Variants in INPP5A observed in about 807,000 individuals in gnomAD.
The protein encoded by INPP5A is inositol polyphosphate-5-phosphatase A.
Under a neutral mutation model 65.2 loss-of-function variants are expected in INPP5A, and 14 were observed. The observed-to-expected ratio is 0.21, with a 90% CI of 0.14 to 0.34. The LOEUF (loss-of-function observed/expected upper bound fraction) is 0.34, where lower values mean the gene tolerates loss of function less well. Among genes scored for constraint, INPP5A ranks in the 10% least tolerant of loss-of-function variants. INPP5A has a pLI of 1.00. For missense variants in INPP5A, 431 were observed against 545.6 expected (o/e 0.79, Z 2.09); for synonymous variants, 207 against 208.3 (o/e 0.99, Z 0.05).
chr10:132,736,538 C>T (rs549299388), intron 9 of INPP5A, among the ~76,000 whole-genome samples: 3 of 152,332 alleles, frequency 2.0e-5, no homozygotes, highest in African/African-American at 4.8e-5. Flanking sequence ...CCCCGAGAGC[C>T]GGGCTTCCCA....
rs1305513647 is a variant in INPP5A at position 132,777,742 on chromosome 10, G to A, written c.1049G>A (p.Arg350His). 1 of 1,613,082 alleles carries A rather than the reference G, an allele frequency of 6.2e-7. No individual in the cohort carries two copies. Among genetic ancestry groups the A allele is most frequent in the Non-Finnish European group, 8.5e-7 (1 of 1,179,994 alleles). The stretch of plus-strand genomic sequence containing the variant: ...ACCCGGTGCCCAGCCTGGTGTGACC[G>A]CATCCTCATGTCCCCGTCTGCCAAG... ...MNTRCPAWCD[R>H]ILMSPSAKEL... Residue 350 changes from arginine (R) to histidine (H), a missense_variant, in exon 13 of 16, where the codon CGC (arginine) becomes CAC (histidine). By Grantham distance (29) the Arg-to-His change is conservative. Transcript: ENST00000368594.
At chr10:132,640,895 G>A (rs546342859) in intron 2 of INPP5A, among the ~76,000 whole-genome samples, 8 of 152,274 alleles carry the variant, frequency 5.3e-5, no homozygotes, top group Admixed American at 1.3e-4. Flanking sequence ...TGTGCTCAGC[G>A]TGCTGTCTCC....
intron 1 of INPP5A, among the ~76,000 whole-genome samples, chr10:132,574,619 TTTAA>T (rs2071392617): frequency 7.1e-6 from 1 of 141,276 alleles, no homozygotes; most frequent in Admixed American, 7.4e-5. Flanking sequence ...TTCTTTTTTT[TTTAA>T]TTTTGTATTT....
intron 2 of INPP5A, among the ~76,000 whole-genome samples, chr10:132,641,805 T>C (rs1010229058): frequency 1.3e-5 from 2 of 152,262 alleles, no homozygotes; most frequent in African/African-American, 2.4e-5. Context: ...TCAAAGGAAG[T>C]GTGGCCTTTC....
At chr10:132,596,411 C>T (rs896336108) in intron 1 of INPP5A, among the ~76,000 whole-genome samples, 4 of 151,116 alleles carry the variant, frequency 2.6e-5, no homozygotes, top group Non-Finnish European at 5.9e-5. Flanking sequence ...AGTGTGTGTG[C>T]GTGTGTGTGC....
At chr10:132,699,392 C>T (rs894598191) in intron 6 of INPP5A, among the ~76,000 whole-genome samples, 5 of 151,616 alleles carry the variant, frequency 3.3e-5, no homozygotes, top group South Asian at 4.2e-4. Context: ...CAGGGCCAGG[C>T]GCTGCCACCT....
At chr10:132,759,143 C>G (rs916963139) in intron 11 of INPP5A, among the ~76,000 whole-genome samples, 1 of 152,204 alleles carries the variant, frequency 6.6e-6, no homozygotes, top group Non-Finnish European at 1.5e-5. Flanking sequence ...TCAGCGTGGC[C>G]CAGGCCTCAG....
chr10:132,687,089 C>T (rs2134475233), intron 4 of INPP5A, among the ~76,000 whole-genome samples: 1 of 152,352 alleles, frequency 6.6e-6, no homozygotes, highest in South Asian at 2.1e-4. Flanking sequence ...GGATTACAGG[C>T]TCATGCCACC....
chr10:132,659,977 A>G lies in INPP5A; in HGVS notation c.306+9472A>G, dbSNP rs2072714382. ...CATACTCCCTGTGACATGGCACATGACACGTGACACAACACATTCTCATGC... is the reference window on the plus strand; with the variant it reads ...CATACTCCCTGTGACATGGCACATGGCACGTGACACAACACATTCTCATGC... On this transcript the variant is annotated intron_variant, in intron 4 of 15. Transcript: ENST00000368594. The surrounding 1 kb of genome is among the most constrained non-coding windows in gnomAD (Gnocchi z 5.5). Among the ~76,000 whole-genome samples, 1 of 152,258 alleles carries G rather than the reference A, an allele frequency of 6.6e-6. No individual in the cohort carries two copies. Among genetic ancestry groups the G allele is most frequent in the Non-Finnish European group, 1.5e-5 (1 of 68,042 alleles).
chr10:132,761,943 C>G (rs540426497), intron 11 of INPP5A, among the ~76,000 whole-genome samples: 1 of 151,996 alleles, frequency 6.6e-6, no homozygotes, highest in Admixed American at 6.5e-5. Flanking sequence ...AAGTACCACA[C>G]TATGAAAAAA....
intron 1 of INPP5A, among the ~76,000 whole-genome samples, chr10:132,559,210 G>A (rs958844485): frequency 5.9e-5 from 9 of 152,194 alleles, no homozygotes; most frequent in African/African-American, 2.2e-4. Context: ...TCGGAGCTGT[G>A]GCAGCTCTCT....
chr10:132,664,268 T>C (rs1456500363), intron 4 of INPP5A, among the ~76,000 whole-genome samples: 2 of 152,190 alleles, frequency 1.3e-5, no homozygotes, highest in Non-Finnish European at 2.9e-5. Context: ...TCCCTGGAGA[T>C]GGGTTTTTAT....
At chr10:132,565,617 GTGTGTATGTGTGTATATGTATGTATA>G (rs1321908501) in intron 1 of INPP5A, among the ~76,000 whole-genome samples, 1 of 152,154 alleles carries the variant, frequency 6.6e-6, no homozygotes, top group Non-Finnish European at 1.5e-5. Flanking sequence ...GTGTGTGCAT[GTGTGTATGTGTGTATATGTATGTATA>G]TGTGTATGTG....
intron 1 of INPP5A, among the ~76,000 whole-genome samples, chr10:132,596,855 G>A (rs942064786): frequency 1.2e-5 from 1 of 86,284 alleles, no homozygotes; most frequent in Non-Finnish European, 2.9e-5. Flanking sequence ...ATGCGTGTGT[G>A]TGCATGTGTG....
intron 2 of INPP5A, among the ~76,000 whole-genome samples, chr10:132,617,338 G>A: frequency 6.6e-6 from 1 of 152,178 alleles, no homozygotes; most frequent in South Asian, 2.1e-4. Context: ...GGGCCCTTCT[G>A]CCTCCTGGTC....
At chr10:132,578,518 AGT>A (rs2071436730) in intron 1 of INPP5A, among the ~76,000 whole-genome samples, 1 of 137,628 alleles carries the variant, frequency 7.3e-6, no homozygotes, top group African/African-American at 2.8e-5. Flanking sequence ...CTGTCAGGAG[AGT>A]GTGCGGGGAG....
At position 132,663,966 on chromosome 10, in the gene INPP5A, C is replaced by G. The variant is rs1236425576; in HGVS notation, c.306+13461C>G. On this transcript the variant is annotated intron_variant, in intron 4 of 15. Coordinates refer to ENST00000368594, the MANE Select transcript of INPP5A (RefSeq NM_005539.5). The surrounding 1 kb of genome is among the most constrained non-coding windows in gnomAD (Gnocchi z 4.5). ...AGGCGTGATCGAGTGCCGTGTCACA[C>G]GCAGCCCAGGAAACAAACACGCCGC... 2.0e-5 allele frequency among the ~76,000 whole-genome samples: 3 copies of G among 152,234 alleles called. No individual in the cohort carries two copies. Among genetic ancestry groups the G allele is most frequent in the African/African-American group, 7.2e-5 (3 of 41,462 alleles).
intron 1 of INPP5A, among the ~76,000 whole-genome samples, chr10:132,571,666 G>A (rs995756503): frequency 2.0e-5 from 3 of 152,234 alleles, no homozygotes; most frequent in Non-Finnish European, 4.4e-5. Flanking sequence ...GACCCGGAGT[G>A]TCTGCAGGCA....
intron 1 of INPP5A, among the ~76,000 whole-genome samples, chr10:132,562,425 C>G (rs185312598): frequency 6.6e-6 from 1 of 152,230 alleles, no homozygotes; most frequent in Non-Finnish European, 1.5e-5. Context: ...CTGGGGGTGG[C>G]TCCCCCCATG....
Sources: allele counts gnomAD v4.1 joint callset (sites outside exome capture counted in the v4.1 genomes callset), GRCh38; gene constraint gnomAD v4.1.1; non-coding constraint Gnocchi (gnomAD v3.1); transcripts MANE v1.5; gene names NCBI Gene and HGNC (gene_info 2026-07-23, HGNC 2026-07-21).